The following CTTNBP2NL variants were observed in gnomAD, a reference collection of about 807,000 sequenced individuals.
CTTNBP2NL encodes the protein CTTNBP2 N-terminal like.
Under a neutral mutation model 32.5 loss-of-function variants are expected in CTTNBP2NL, and 16 were observed. The ratio of observed to expected loss-of-function variants is 0.49; its 90% confidence interval spans 0.33 to 0.75. The LOEUF is 0.75. Ranked by LOEUF, CTTNBP2NL falls within the 30% of genes least tolerant of loss-of-function variation. The pLI, the probability that CTTNBP2NL is intolerant of heterozygous loss-of-function variation, is 0.02. For missense variants in CTTNBP2NL, 645 were observed against 756.0 expected (o/e 0.85, Z 1.72); for synonymous variants, 298 against 289.4 (o/e 1.03, Z -0.30).
chr1:112,447,042 A>G (rs1416581367), intron 3 of CTTNBP2NL, among the ~76,000 whole-genome samples: 2 of 152,114 alleles, frequency 1.3e-5, no homozygotes, highest in Non-Finnish European at 2.9e-5. Context: ...TGGGAGGCCA[A>G]GGCGGGTGGA....
At chr1:112,454,649 A>G in intron 5 of CTTNBP2NL, 93 bp downstream of exon 5, 2 of 937,452 alleles carry the variant, frequency 2.1e-6, no homozygotes, top group Non-Finnish European at 3.4e-6. Context: ...TTGTTCAGAA[A>G]AGGGGCTTTG....
Position 112,457,506 on chromosome 1 carries a change from T to C in CTTNBP2NL, c.*94T>C. 4.5e-6 allele frequency: 5 copies of C among 1,119,176 alleles called. No homozygotes were observed. The highest frequency in any genetic ancestry group is 3.1e-5 in the African/African-American group (2 of 64,054). The allele number at this position is 1,119,176 out of a possible 1,614,324, so 69.3% of individuals were successfully genotyped here. A position where few individuals can be genotyped will look rare whatever the true frequency, so the allele number is the denominator to read the frequency against. ...AGTCAGATTATGTTATTTATTTTGA[T>C]AGTAGCTGAAACCATCTGTATAATA... On this transcript the variant is annotated 3_prime_UTR_variant, in exon 6 of 6. Transcript: ENST00000271277.
At chr1:112,421,835 A>T (rs1272091733) in intron 3 of CTTNBP2NL, among the ~76,000 whole-genome samples, 1 of 152,184 alleles carries the variant, frequency 6.6e-6, no homozygotes, top group Non-Finnish European at 1.5e-5. Context: ...CATGGAACAG[A>T]TGTTTTAATT....
intron 1 of CTTNBP2NL, among the ~76,000 whole-genome samples, chr1:112,406,239 A>AGTACCTCAGT (rs1648662005): frequency 6.6e-6 from 1 of 152,114 alleles, no homozygotes; most frequent in Non-Finnish European, 1.5e-5. Flanking sequence ...TCACATTAAC[A>AGTACCTCAGT]ACTCTGGCCT....
chr1:112,402,529 A>T (rs888774073), intron 1 of CTTNBP2NL, among the ~76,000 whole-genome samples: 1 of 152,210 alleles, frequency 6.6e-6, no homozygotes, highest in African/African-American at 2.4e-5. Context: ...AGGATGAAAG[A>T]TAACTGACAG....
intron 3 of CTTNBP2NL, among the ~76,000 whole-genome samples, chr1:112,446,740 A>T (rs1351121738): frequency 6.6e-6 from 1 of 152,064 alleles, no homozygotes; most frequent in Non-Finnish European, 1.5e-5. Flanking sequence ...TGTAGAGACA[A>T]GGTCTCCCTA....
chr1:112,437,938 G>A (rs955433389), intron 3 of CTTNBP2NL, among the ~76,000 whole-genome samples: 1 of 152,146 alleles, frequency 6.6e-6, no homozygotes, highest in Non-Finnish European at 1.5e-5. Context: ...CTTTTGCTGT[G>A]CAGAAGCCCT....
chr1:112,397,940 C>G (rs959714579), intron 1 of CTTNBP2NL, among the ~76,000 whole-genome samples: 2 of 152,180 alleles, frequency 1.3e-5, no homozygotes, highest in African/African-American at 4.8e-5. Flanking sequence ...TTCAGAGCCA[C>G]TCGGTGCTCA....
intron 5 of CTTNBP2NL, 115 bp from the exon 6 acceptor site, chr1:112,455,816 C>G: frequency 4.2e-6 from 3 of 707,304 alleles, no homozygotes; most frequent in Non-Finnish European, 6.9e-6. Context: ...TTCAGAAATA[C>G]TTGATCTAAG....
intron 2 of CTTNBP2NL, among the ~76,000 whole-genome samples, chr1:112,412,637 C>G (rs1255836869): frequency 7.6e-5 from 6 of 78,670 alleles, no homozygotes; most frequent in African/African-American, 3.4e-4. Flanking sequence ...TTTTTTTTGA[C>G]ACAGAGTCTC....
intron 4 of CTTNBP2NL, 65 bp downstream of exon 4, chr1:112,449,237 C>G (rs2101030394): frequency 1.1e-6 from 1 of 925,636 alleles, no homozygotes; most frequent in East Asian, 2.6e-5. Context: ...CTGATACTTT[C>G]TTGTCAGCTG....
At position 112,457,298 on chromosome 1, in the gene CTTNBP2NL, T is replaced by G. The variant is rs1435314722; in HGVS notation, c.1806T>G (p.Thr602=). 3 of 1,614,098 alleles carry G rather than the reference T, an allele frequency of 1.9e-6. No homozygotes were observed. The East Asian group carries it at 6.7e-5, about 36-fold the overall frequency. ...SPSATTPLTK[T]HSQAASLTTA... is the part of the protein sequence containing the mutation. Reference sequence around the variant, plus strand: ...CTGCTACCACTCCATTGACCAAAACTCATTCCCAGGCAGCCTCTTTGACCA... The same window carrying G: ...CTGCTACCACTCCATTGACCAAAACGCATTCCCAGGCAGCCTCTTTGACCA... The change falls in exon 6 of 6, where the codon ACT becomes ACG. Residue 602 remains threonine (T), a synonymous_variant. Coordinates refer to ENST00000271277, the MANE Select transcript of CTTNBP2NL (RefSeq NM_018704.3).
intron 1 of CTTNBP2NL, among the ~76,000 whole-genome samples, chr1:112,401,644 A>G (rs1648505158): frequency 6.6e-6 from 1 of 152,212 alleles, no homozygotes; most frequent in Non-Finnish European, 1.5e-5. Flanking sequence ...AGGAACAACC[A>G]AAACTGGAGT....
At chr1:112,442,667 C>T (rs904762818) in intron 3 of CTTNBP2NL, among the ~76,000 whole-genome samples, 1 of 151,970 alleles carries the variant, frequency 6.6e-6, no homozygotes, top group Non-Finnish European at 1.5e-5. Flanking sequence ...AATGTTGAAA[C>T]AGCTACATTA....
chr1:112,449,228 T>G, intron 4 of CTTNBP2NL, 56 bp downstream of exon 4: 1 of 1,020,294 alleles, frequency 9.8e-7, no homozygotes, highest in Non-Finnish European at 1.5e-6. Flanking sequence ...AAATTATGCC[T>G]GATACTTTCT....
At chr1:112,394,920 G>A (rs1648272427), upstream of CTTNBP2NL, among the ~76,000 whole-genome samples, 1 of 152,178 alleles carries the variant, frequency 6.6e-6, no homozygotes, top group Non-Finnish European at 1.5e-5. Context: ...CTGTAGGATA[G>A]ATTTCTCATA....
At chr1:112,406,345 T>C (rs1648665570) in intron 1 of CTTNBP2NL, among the ~76,000 whole-genome samples, 1 of 152,230 alleles carries the variant, frequency 6.6e-6, no homozygotes, top group Non-Finnish European at 1.5e-5. Flanking sequence ...TTTTCCACCA[T>C]ACAATTCCTA....
intron 3 of CTTNBP2NL, among the ~76,000 whole-genome samples, chr1:112,422,315 T>C (rs534145336): frequency 1.3e-5 from 2 of 152,376 alleles, no homozygotes; most frequent in East Asian, 1.9e-4. Flanking sequence ...TGTATATTGA[T>C]AGCTCATTTC....
intron 4 of CTTNBP2NL, among the ~76,000 whole-genome samples, chr1:112,450,312 T>G (rs565289008): frequency 6.6e-6 from 1 of 152,338 alleles, no homozygotes; most frequent in South Asian, 2.1e-4. Flanking sequence ...ATAGACAGAA[T>G]GTTCAGAGTT....
Sources: gnomAD v4.1 joint callset for allele counts (sites outside exome capture counted in the v4.1 genomes callset) on GRCh38, gnomAD v4.1.1 for gene constraint, MANE v1.5 for transcripts, NCBI Gene and HGNC (gene_info 2026-07-23, HGNC 2026-07-21) for gene names.